NEIL2: variants seen among roughly 807,000 people sequenced by gnomAD.
The protein encoded by NEIL2 is nei like DNA glycosylase 2.
A neutral mutation model predicts 22.2 loss-of-function variants in NEIL2; 23 were observed. That is an observed-to-expected ratio of 1.04 (90% CI 0.75 to 1.47). The LOEUF (loss-of-function observed/expected upper bound fraction) is 1.47, where lower values mean the gene tolerates loss of function less well. Ranked by LOEUF, NEIL2 falls within the 40% of genes most tolerant of loss-of-function variation. The pLI is 0.00. For synonymous variants in NEIL2, 229 were observed against 164.8 expected, an observed-to-expected ratio of 1.39 and a Z score of -2.99; for missense variants, 583 against 404.7, an observed-to-expected ratio of 1.44 and a Z score of -3.78.
intron 4 of NEIL2, among the ~76,000 whole-genome samples, chr8:11,784,929 C>T (rs191701252): frequency 6.6e-6 from 1 of 152,298 alleles, no homozygotes; most frequent in Non-Finnish European, 1.5e-5. Flanking sequence ...AGTGCAGTGG[C>T]ACAATCACAA....
At position 11,786,629 on chromosome 8, in the gene NEIL2, T is replaced by G. The variant is rs8191670; in HGVS notation, c.*356T>G. Reference sequence around the variant, plus strand: ...AACATAGCTTTGCAGATGATGTGGGTTTTTTTTTTTTTTTTGGTTGTTTGT... The same window carrying G: ...AACATAGCTTTGCAGATGATGTGGGGTTTTTTTTTTTTTTTGGTTGTTTGT... On this transcript the variant is annotated 3_prime_UTR_variant, in exon 5 of 5. Coordinates refer to ENST00000284503, the MANE Select transcript of NEIL2 (RefSeq NM_145043.4). 1 of 54,464 alleles carries G rather than the reference T, an allele frequency of 1.8e-5. No individual in the cohort carries two copies. Among genetic ancestry groups the G allele is most frequent in the Non-Finnish European group, 3.2e-5 (1 of 31,194 alleles). 3.4% of individuals were successfully genotyped at this position (54,464 alleles called of 1,614,324 possible).
At chr8:11,770,580 T>G (rs1478464980) in intron 1 of NEIL2, among the ~76,000 whole-genome samples, 1 of 152,256 alleles carries the variant, frequency 6.6e-6, no homozygotes, top group Non-Finnish European at 1.5e-5. Flanking sequence ...ATATAATAGC[T>G]ACCCCCTGCC....
At chr8:11,777,701 TA>T (rs1440140466) in intron 2 of NEIL2, among the ~76,000 whole-genome samples, 1 of 152,242 alleles carries the variant, frequency 6.6e-6, no homozygotes, top group African/African-American at 2.4e-5. Context: ...ATGTTATAGA[TA>T]AGGGAAGATT....
chr8:11,774,401 G>A (rs1265596091), intron 2 of NEIL2, among the ~76,000 whole-genome samples: 1 of 152,082 alleles, frequency 6.6e-6, no homozygotes, highest in Non-Finnish European at 1.5e-5. Flanking sequence ...AAACCCATCA[G>A]ATCTCTTGAG....
rs535002292 is a variant in NEIL2 at position 11,779,998 on chromosome 8, C to A, written c.491+48C>A. On this transcript the variant is annotated intron_variant, in intron 3 of 4. Coordinates refer to ENST00000284503, the MANE Select transcript of NEIL2 (RefSeq NM_145043.4). Reference sequence around the variant, plus strand: ...TTCGTGGGCTCTGATAGTCATAGGGCCCTGCTTGGTGGGGTTTGGGACTTC... The same window carrying A: ...TTCGTGGGCTCTGATAGTCATAGGGACCTGCTTGGTGGGGTTTGGGACTTC... The A allele has an allele frequency of 4.3e-5, 65 of 1,523,904 alleles. No individual in the cohort carries two copies. The South Asian group carries it at 6.5e-4, about 15-fold the overall frequency. 94.4% of individuals were successfully genotyped at this position (1,523,904 alleles called of 1,614,324 possible). A position where few individuals can be genotyped will look rare whatever the true frequency, so the allele number is the denominator to read the frequency against.
At chr8:11,782,953 TCTGA>T (rs1248755097) in intron 3 of NEIL2, 8 of 572,918 alleles carry the variant, frequency 1.4e-5, no homozygotes, top group Admixed American at 1.0e-4. Context: ...CAGAGTGTCC[TCTGA>T]CTATGTTGTG....
chr8:11,774,907 G>A (rs1270156981), intron 2 of NEIL2, among the ~76,000 whole-genome samples: 4 of 152,226 alleles, frequency 2.6e-5, no homozygotes, highest in Admixed American at 6.5e-5. Context: ...CCACGGCCTT[G>A]GGCAGCTCTG....
Position 11,786,319 on chromosome 8 carries a change from GA to G in NEIL2, c.*47del, listed in dbSNP as rs2130558666. Reference sequence around the variant, plus strand: ...CGGAACCTTGCCGCTTGGGGAACCTGACGTCTAAGTGTCCAGAAAGGAGGAT... The same window carrying G: ...CGGAACCTTGCCGCTTGGGGAACCTGCGTCTAAGTGTCCAGAAAGGAGGAT... On this transcript the variant is annotated 3_prime_UTR_variant, in exon 5 of 5. Coordinates refer to ENST00000284503, the MANE Select transcript of NEIL2 (RefSeq NM_145043.4). 1 of 1,570,392 alleles carries G rather than the reference GA, an allele frequency of 6.4e-7. No homozygotes were observed. Among genetic ancestry groups the G allele is most frequent in the African/African-American group, 1.4e-5 (1 of 73,956 alleles).
intron 2 of NEIL2, among the ~76,000 whole-genome samples, chr8:11,778,574 C>T (rs963532380): frequency 3.9e-5 from 6 of 152,080 alleles, no homozygotes; most frequent in Admixed American, 1.3e-4. Context: ...GAAAGACTGC[C>T]TGAATTTCAG....
chr8:11,777,242 C>G (rs190645840), intron 2 of NEIL2, among the ~76,000 whole-genome samples: 7 of 151,994 alleles, frequency 4.6e-5, no homozygotes, highest in Non-Finnish European at 7.4e-5. Flanking sequence ...ATCCTCTCGT[C>G]TCAGCCTCCC....
At chr8:11,771,166 C>T (rs1452260508) in intron 1 of NEIL2, among the ~76,000 whole-genome samples, 2 of 152,132 alleles carry the variant, frequency 1.3e-5, no homozygotes, top group Non-Finnish European at 1.5e-5. Flanking sequence ...GGATGGTGCC[C>T]ATGATGTGCT....
intron 2 of NEIL2, among the ~76,000 whole-genome samples, chr8:11,772,707 G>A (rs1416558045): frequency 6.6e-6 from 1 of 152,212 alleles, no homozygotes; most frequent in Non-Finnish European, 1.5e-5. Flanking sequence ...CACGTAGGAA[G>A]CACGGGTGGT....
At chr8:11,777,027 C>T (rs952142548) in intron 2 of NEIL2, among the ~76,000 whole-genome samples, 17 of 152,190 alleles carry the variant, frequency 1.1e-4, no homozygotes, top group African/African-American at 3.6e-4. Flanking sequence ...GGTATGTCCC[C>T]TCAGCTGGGC....
intron 2 of NEIL2, among the ~76,000 whole-genome samples, chr8:11,777,750 A>G (rs1231984116): frequency 2.0e-5 from 3 of 152,262 alleles, no homozygotes; most frequent in Middle Eastern, 3.2e-3. Flanking sequence ...CTATTACAGA[A>G]TATTTGAGAC....
Position 11,779,924 on chromosome 8 carries a change from G to T in NEIL2, c.465G>T (p.Arg155Ser), listed in dbSNP as rs140177918. The T allele has an allele frequency of 1.5e-5, 25 of 1,614,006 alleles. No homozygotes were observed. The highest frequency in any genetic ancestry group is 1.6e-4 in the Middle Eastern group (1 of 6,084). ...DFSRAKKANK[R>S]GDWRDPSPRL... ...CCAGAGCCAAGAAAGCCAACAAGAG[G>T]GGGGACTGGAGGGACCCTTCCCCGA... is the stretch of plus-strand genomic sequence containing the variant. The change falls in exon 3 of 5, where the codon AGG (arginine) becomes AGT (serine). Residue 155 changes from arginine (R) to serine (S), a missense_variant. By Grantham distance (110) the Arg-to-Ser change is moderately radical. Coordinates refer to ENST00000284503, the MANE Select transcript of NEIL2 (RefSeq NM_145043.4).
chr8:11,782,896 T>A (rs2130527016), intron 3 of NEIL2: 1 of 439,048 alleles, frequency 2.3e-6, no homozygotes, highest in African/African-American at 2.0e-5. Flanking sequence ...GTGCTCTATG[T>A]TGTGGTAACG....
rs763282940 is a variant in NEIL2 at position 11,783,214 on chromosome 8, A to G, written c.503A>G (p.His168Arg). 3.2e-5 allele frequency: 52 copies of G among 1,614,086 alleles called. No homozygotes were observed. Among genetic ancestry groups the G allele is most frequent in the Non-Finnish European group, 2.7e-5 (32 of 1,180,030 alleles). ...TTCTTTCTTCCCAGGTTGGTCCTGC[A>G]CTTTGGTGGTGGTGGCTTCCTGGCA... is the stretch of plus-strand genomic sequence containing the variant. ...WRDPSPRLVL[H>R]FGGGGFLAFY... Residue 168 changes from histidine to arginine, a missense_variant, in exon 4 of 5, where the codon CAC (histidine) becomes CGC (arginine). Transcript: ENST00000284503.
chr8:11,772,302 C>G (rs374062336), intron 2 of NEIL2, among the ~76,000 whole-genome samples: 1 of 152,196 alleles, frequency 6.6e-6, no homozygotes, highest in Non-Finnish European at 1.5e-5. Context: ...ACCACTGCCT[C>G]CCTCTCTAGC....
At chr8:11,775,478 GC>G (rs796214494) in intron 2 of NEIL2, among the ~76,000 whole-genome samples, 1 of 152,198 alleles carries the variant, frequency 6.6e-6, no homozygotes, top group South Asian at 2.1e-4. Context: ...GATGGGAGGG[GC>G]TGCTGTGAAG....
Sources: gnomAD v4.1 joint callset for allele counts (sites outside exome capture counted in the v4.1 genomes callset) on GRCh38, gnomAD v4.1.1 for gene constraint, MANE v1.5 for transcripts, NCBI Gene and HGNC (gene_info 2026-07-23, HGNC 2026-07-21) for gene names.